The following MACROD2 variants were observed in gnomAD, a reference collection of about 807,000 sequenced individuals.
MACROD2 encodes the protein mono-ADP ribosylhydrolase 2.
MACROD2 carries 36 observed loss-of-function variants against 70.4 expected under a neutral mutation model. That is an observed-to-expected ratio of 0.51 (90% CI 0.39 to 0.68). MACROD2 has a LOEUF of 0.68. Ranked by LOEUF, MACROD2 falls within the 30% of genes least tolerant of loss-of-function variation. The pLI is 0.00. For missense variants in MACROD2, 496 were observed against 538.4 expected (o/e 0.92, Z 0.78); for synonymous variants, 172 against 178.8 (o/e 0.96, Z 0.30).
At chr20:15,593,115 A>G (rs1457112248) in intron 8 of MACROD2, among the ~76,000 whole-genome samples, 1 of 151,984 alleles carries the variant, frequency 6.6e-6, no homozygotes, top group Non-Finnish European at 1.5e-5. Flanking sequence ...AGGAGTAATT[A>G]CTCTGACATT....
At chr20:14,171,018 G>T (rs534362866) in intron 3 of MACROD2, among the ~76,000 whole-genome samples, 1 of 152,050 alleles carries the variant, frequency 6.6e-6, no homozygotes, top group Admixed American at 6.5e-5. Context: ...TTTCAGTCTC[G>T]CTGCTTATTA....
rs140751603 is a variant in MACROD2 at position 14,245,473 on chromosome 20, T to C, written c.271+159745T>C. ...CATTCCCATTCTTCAGTGGAGAAAC[T>C]TGAAGCTCAGAGAGGATGAGTAACT... On this transcript the variant is annotated intron_variant, in intron 3 of 17. Transcript: ENST00000684519. 9.5e-4 allele frequency among the ~76,000 whole-genome samples: 144 copies of C among 152,252 alleles called. 1 individual carries two copies. The highest frequency in any genetic ancestry group is 3.4e-3 in the Middle Eastern group (1 of 294).
intron 5 of MACROD2, among the ~76,000 whole-genome samples, chr20:15,020,711 T>C (rs1251149391): frequency 6.6e-6 from 1 of 152,100 alleles, no homozygotes; most frequent in Non-Finnish European, 1.5e-5. Flanking sequence ...TACATGTTAC[T>C]GTACTGAGTA....
chr20:15,479,076 G>T (rs1568836952), intron 7 of MACROD2, among the ~76,000 whole-genome samples: 1 of 152,110 alleles, frequency 6.6e-6, no homozygotes. Flanking sequence ...AAAGTTCTTT[G>T]CTCCCTGGTC....
intron 5 of MACROD2, among the ~76,000 whole-genome samples, chr20:15,095,314 A>G (rs151093684): frequency 6.6e-6 from 1 of 151,748 alleles, no homozygotes; most frequent in East Asian, 2.0e-4. Flanking sequence ...AGACCTCGTG[A>G]TCCACCCACT....
At chr20:15,119,010 G>A (rs780692752) in intron 5 of MACROD2, among the ~76,000 whole-genome samples, 2 of 152,178 alleles carry the variant, frequency 1.3e-5, no homozygotes, top group Non-Finnish European at 2.9e-5. Flanking sequence ...AAGCATGTAT[G>A]TATGTGTGTA....
intron 6 of MACROD2, among the ~76,000 whole-genome samples, chr20:15,270,058 G>A (rs1424390152): frequency 6.6e-6 from 1 of 151,852 alleles, no homozygotes; most frequent in Non-Finnish European, 1.5e-5. Flanking sequence ...GCACTAATGT[G>A]GACTATGAAC....
At chr20:15,352,367 A>T (rs1198682531) in intron 6 of MACROD2, among the ~76,000 whole-genome samples, 1 of 152,206 alleles carries the variant, frequency 6.6e-6, no homozygotes, top group Non-Finnish European at 1.5e-5. Context: ...AATGAGGCTT[A>T]TGTGATTTAA....
chr20:14,494,906 G>A (rs1472876953), intron 4 of MACROD2, among the ~76,000 whole-genome samples: 1 of 152,034 alleles, frequency 6.6e-6, no homozygotes, highest in Non-Finnish European at 1.5e-5. Flanking sequence ...AAGTTAAATT[G>A]TCCATAGTGC....
chr20:14,881,940 C>T (rs897786051), intron 5 of MACROD2, among the ~76,000 whole-genome samples: 1 of 152,168 alleles, frequency 6.6e-6, no homozygotes, highest in Non-Finnish European at 1.5e-5. Flanking sequence ...TATGGGCCAA[C>T]ATTTGCATAT....
intron 7 of MACROD2, among the ~76,000 whole-genome samples, chr20:15,475,465 C>A (rs1189433081): frequency 6.6e-6 from 1 of 152,226 alleles, no homozygotes; most frequent in Non-Finnish European, 1.5e-5. Flanking sequence ...TTGGCAACTG[C>A]ATGAGAGTAT....
intron 5 of MACROD2, among the ~76,000 whole-genome samples, chr20:15,049,765 TG>T (rs1353785649): frequency 2.6e-5 from 4 of 151,996 alleles, no homozygotes; most frequent in Non-Finnish European, 5.9e-5. Flanking sequence ...CTGGCCAACA[TG>T]GTGAAACCCT....
chr20:15,784,272 A>C (rs962282254), intron 8 of MACROD2, among the ~76,000 whole-genome samples: 2 of 152,162 alleles, frequency 1.3e-5, no homozygotes, highest in African/African-American at 4.8e-5. Context: ...TGTTGTAACA[A>C]GTGCCTGGTA....
intron 5 of MACROD2, among the ~76,000 whole-genome samples, chr20:15,211,815 A>T (rs2076766366): frequency 6.6e-6 from 1 of 152,218 alleles, no homozygotes; most frequent in Non-Finnish European, 1.5e-5. Context: ...ATGGACTCAT[A>T]AAACAGCTAT....
chr20:15,986,219 G>A (rs567467379), intron 13 of MACROD2, among the ~76,000 whole-genome samples: 1 of 152,116 alleles, frequency 6.6e-6, no homozygotes, highest in South Asian at 2.1e-4. Flanking sequence ...AATATAAAGC[G>A]ATACGGGAGG....
chr20:14,880,774 C>G (rs2073602332), intron 5 of MACROD2, among the ~76,000 whole-genome samples: 1 of 152,216 alleles, frequency 6.6e-6, no homozygotes, highest in African/African-American at 2.4e-5. Context: ...AACCGTCTAA[C>G]TTATGCCTTG....
chr20:14,298,380 C>T (rs569527836), intron 3 of MACROD2, among the ~76,000 whole-genome samples: 10 of 151,668 alleles, frequency 6.6e-5, no homozygotes, highest in African/African-American at 1.9e-4. Context: ...CCAGCCTGGC[C>T]AACATGGTGA....
intron 3 of MACROD2, among the ~76,000 whole-genome samples, chr20:14,196,625 G>A (rs1487015313): frequency 6.6e-6 from 1 of 152,160 alleles, no homozygotes; most frequent in Non-Finnish European, 1.5e-5. Context: ...GGAGAGTGTA[G>A]AATATCTTGG....
intron 7 of MACROD2, among the ~76,000 whole-genome samples, chr20:15,491,211 C>T (rs781487196): frequency 5.3e-5 from 8 of 152,154 alleles, no homozygotes; most frequent in Non-Finnish European, 1.0e-4. Flanking sequence ...CCTTTATACT[C>T]CCCGAAGTGA....
Sources: gnomAD v4.1 joint callset for allele counts (sites outside exome capture counted in the v4.1 genomes callset) on GRCh38, gnomAD v4.1.1 for gene constraint, MANE v1.5 for transcripts, NCBI Gene and HGNC (gene_info 2026-07-23, HGNC 2026-07-21) for gene names.